The following TLE1 variants were observed in gnomAD, a reference collection of about 807,000 sequenced individuals.
TLE1 encodes transducin-like enhancer protein 1.
TLE1 carries 21 observed loss-of-function variants against 89.8 expected under a neutral mutation model. The ratio of observed to expected loss-of-function variants is 0.23; its 90% CI spans 0.17 to 0.34. The LOEUF (loss-of-function observed/expected upper bound fraction) is 0.34, where lower values mean the gene tolerates loss of function less well. Ranked by LOEUF, TLE1 falls within the 10% of genes least tolerant of loss-of-function variation. The pLI is 1.00. For synonymous variants in TLE1, 447 were observed against 407.6 expected (o/e 1.10, Z -1.16); for missense variants, 795 against 1,031.2 (o/e 0.77, Z 3.14).
chr9:81,624,927 A>G (rs764086428), intron 8 of TLE1, among the ~76,000 whole-genome samples: 20 of 152,168 alleles, frequency 1.3e-4, no homozygotes, highest in Non-Finnish European at 2.4e-4. Context: ...CTAAAACCAA[A>G]TAATTTTCTA....
chr9:81,602,327 C>T (rs1831047159), intron 14 of TLE1, among the ~76,000 whole-genome samples: 1 of 152,168 alleles, frequency 6.6e-6, no homozygotes, highest in African/African-American at 2.4e-5. Context: ...TCGAACATCC[C>T]TTATCCAAAA....
chr9:81,666,224 T>C (rs905226544), intron 4 of TLE1, among the ~76,000 whole-genome samples: 2 of 152,128 alleles, frequency 1.3e-5, no homozygotes, highest in Admixed American at 1.3e-4. Context: ...GAAAGAAATC[T>C]TTCTCCAAAC....
At chr9:81,658,697 T>G (rs983137208) in intron 4 of TLE1, among the ~76,000 whole-genome samples, 10 of 152,096 alleles carry the variant, frequency 6.6e-5, no homozygotes, top group Admixed American at 3.9e-4. Context: ...TACCCAACAA[T>G]GCTCTGTGAG....
chr9:81,656,450 T>C (rs1362887532), intron 4 of TLE1, among the ~76,000 whole-genome samples: 3 of 152,192 alleles, frequency 2.0e-5, no homozygotes, highest in African/African-American at 7.2e-5. Flanking sequence ...TTAAAAATGA[T>C]ATATGCTCAC....
chr9:81,644,824 T>C (rs1275445742), intron 6 of TLE1, among the ~76,000 whole-genome samples: 1 of 150,830 alleles, frequency 6.6e-6, no homozygotes, highest in Non-Finnish European at 1.5e-5. Flanking sequence ...TGAAACCCCA[T>C]CTCTATTAAA....
At chr9:81,661,206 TTATA>T (rs34610877) in intron 4 of TLE1, among the ~76,000 whole-genome samples, 7 of 136,380 alleles carry the variant, frequency 5.1e-5, no homozygotes, top group East Asian at 2.1e-4. Context: ...ATATGTATTT[TTATA>T]TATATATATA....
At chr9:81,633,258 CTG>C in intron 8 of TLE1, 88 bp downstream of exon 8, 1 of 1,593,208 alleles carries the variant, frequency 6.3e-7, no homozygotes, top group Non-Finnish European at 8.6e-7. Context: ...CTGTCTGTGC[CTG>C]TGTGGAGAAG....
intron 12 of TLE1, 104 bp from the exon 13 acceptor site, chr9:81,612,063 G>C (rs1823786424): frequency 1.1e-6 from 1 of 949,884 alleles, no homozygotes; most frequent in African/African-American, 1.7e-5. Context: ...TGGGGAGAGA[G>C]AAAGAGGTAA....
intron 14 of TLE1, among the ~76,000 whole-genome samples, chr9:81,605,867 T>C (rs1831583715): frequency 6.8e-6 from 1 of 148,134 alleles, no homozygotes; most frequent in African/African-American, 2.5e-5. Flanking sequence ...ATTTTTGCAA[T>C]CTACCCATCT....
chr9:81,679,547 G>A (rs1023644465), intron 4 of TLE1, among the ~76,000 whole-genome samples: 2 of 151,852 alleles, frequency 1.3e-5, no homozygotes, highest in East Asian at 1.9e-4. Flanking sequence ...CCACACCTGC[G>A]CATCCTAGTT....
chr9:81,677,564 CAA>C (rs60091510), intron 4 of TLE1, among the ~76,000 whole-genome samples: 10 of 85,566 alleles, frequency 1.2e-4, no homozygotes, highest in African/African-American at 2.5e-4. Context: ...GACTCCATCT[CAA>C]AAAAAAAAAA....
rs1438221099 is a variant in TLE1 at position 81,592,453 on chromosome 9, C to T, written c.1581+572G>A. 6.6e-5 allele frequency among the ~76,000 whole-genome samples: 10 copies of T among 152,306 alleles called. No homozygotes were observed. The East Asian group carries it at 1.7e-3, about 26-fold the overall frequency. The stretch of plus-strand genomic sequence containing the variant: ...ATTCTCAGGCTCTGAGCGGACGTGG[C>T]TTAGGTACTCTGGGAAAGCATTCTC... On this transcript the variant is annotated intron_variant, in intron 15 of 19. Transcript: ENST00000376499.
intron 6 of TLE1, among the ~76,000 whole-genome samples, chr9:81,644,135 T>C (rs1326348158): frequency 6.6e-6 from 1 of 152,200 alleles, no homozygotes; most frequent in Admixed American, 6.5e-5. Context: ...TCTCGTACGC[T>C]ATTGTGGGAA....
At chr9:81,665,495 CAAG>C (rs1831345036) in intron 4 of TLE1, among the ~76,000 whole-genome samples, 1 of 151,658 alleles carries the variant, frequency 6.6e-6, no homozygotes, top group South Asian at 2.1e-4. Context: ...TCTCTGAAAA[CAAG>C]GAGGGGTTAA....
intron 6 of TLE1, among the ~76,000 whole-genome samples, chr9:81,646,278 C>G (rs1439912469): frequency 6.6e-6 from 1 of 152,122 alleles, no homozygotes; most frequent in African/African-American, 2.4e-5. Context: ...TCAGTAAAAA[C>G]AAACAAACAA....
chr9:81,594,667 TC>T lies in TLE1; in HGVS notation c.1332-1394del, dbSNP rs371791006. ...AATAAGTGAAGTATGCACTGCTTCC[TC>T]CTTCCCATTACCCTCGAGAAAGTCT... is the stretch of plus-strand genomic sequence containing the variant. On this transcript the variant is annotated intron_variant, in intron 14 of 19. Transcript: ENST00000376499. 2.2e-3 allele frequency among the ~76,000 whole-genome samples: 337 copies of T among 152,374 alleles called. 2 individuals carry two copies. The highest frequency in any genetic ancestry group is 7.7e-3 in the African/African-American group (320 of 41,586).
chr9:81,627,411 T>C (rs1313169062), intron 8 of TLE1, among the ~76,000 whole-genome samples: 1 of 151,990 alleles, frequency 6.6e-6, no homozygotes, highest in Non-Finnish European at 1.5e-5. Context: ...AAGGCCCCGA[T>C]ATCCACCTGA....
rs73647841 is a variant in TLE1 at position 81,654,174 on chromosome 9, T to C, written c.235-138A>G. 5,695 of 685,098 alleles carry C rather than the reference T, an allele frequency of 8.3e-3. 236 individuals carry two copies. The African/African-American group carries it at 0.089, about 11-fold the overall frequency. 42.4% of individuals were successfully genotyped at this position (685,098 alleles called of 1,614,324 possible). On this transcript the variant is annotated intron_variant, in intron 4 of 19. Transcript: ENST00000376499. Reference sequence around the variant, plus strand: ...ATAAAATGGTTTCCCCAGGTTATGTTACTAATACTTATCTTGAAATAAACA... The same window carrying C: ...ATAAAATGGTTTCCCCAGGTTATGTCACTAATACTTATCTTGAAATAAACA...
intron 4 of TLE1, among the ~76,000 whole-genome samples, chr9:81,655,643 T>G (rs998152671): frequency 3.3e-5 from 5 of 152,126 alleles, no homozygotes; most frequent in African/African-American, 1.2e-4. Context: ...TTCATCATTT[T>G]GTCAATGCTT....
Sources: gnomAD v4.1 joint callset for allele counts (sites outside exome capture counted in the v4.1 genomes callset) on GRCh38, gnomAD v4.1.1 for gene constraint, MANE v1.5 for transcripts, NCBI Gene and HGNC (gene_info 2026-07-23, HGNC 2026-07-21) for gene names.